ABCB5: variants seen among roughly 807,000 people sequenced by gnomAD.
ABCB5 encodes the protein ATP-binding cassette sub-family B member 5.
In ABCB5, 155 loss-of-function variants were observed where a neutral mutation model predicts 144.2. That is an observed-to-expected ratio of 1.08 (90% CI 0.94 to 1.23). ABCB5 has a LOEUF of 1.23. ABCB5 is among the 50% of genes most tolerant of loss of function. The pLI, the probability that ABCB5 is intolerant of heterozygous loss-of-function variation, is 0.00. For synonymous variants in ABCB5, 610 were observed against 528.6 expected (o/e 1.15, Z -2.11); for missense variants, 1,830 against 1,520.8 (o/e 1.20, Z -3.38).
At chr7:20,753,322 C>A in intron 26 of ABCB5, 38 bp from the exon 27 acceptor site, 1 of 1,571,698 alleles carries the variant, frequency 6.4e-7, no homozygotes, top group Non-Finnish European at 8.7e-7. Flanking sequence ...ATTTAAATAA[C>A]CAAGACTTGC....
intron 14 of ABCB5, among the ~76,000 whole-genome samples, chr7:20,669,154 C>T (rs1331723942): frequency 9.2e-4 from 138 of 149,630 alleles, no homozygotes; most frequent in African/African-American, 3.3e-3. Flanking sequence ...AGGTGAGGGG[C>T]GCTTCTGCCC....
In ABCB5 at chr7:20,756,730, T is replaced by A. The variant is rs1783097910; in HGVS notation, c.*1106T>A. ...AATAAAATAATTTCCTTAAATTTTA[T>A]ATATACTTTATCATATATAATGTGT... On this transcript the variant is annotated 3_prime_UTR_variant, in exon 28 of 28. Transcript: ENST00000404938. The A allele has an allele frequency of 6.6e-6, 1 of 152,228 alleles. No homozygotes were observed. Among genetic ancestry groups the A allele is most frequent in the Admixed American group, 6.5e-5 (1 of 15,282 alleles). 9.4% of individuals were successfully genotyped at this position (152,228 alleles called of 1,614,324 possible).
intron 26 of ABCB5, among the ~76,000 whole-genome samples, chr7:20,752,967 T>G (rs1330761562): frequency 1.3e-5 from 2 of 152,344 alleles, no homozygotes; most frequent in African/African-American, 2.4e-5. Flanking sequence ...GTGAAGAAAC[T>G]TCATAATTTC....
At chr7:20,702,801 A>G (rs1037798922) in intron 19 of ABCB5, among the ~76,000 whole-genome samples, 106 of 150,056 alleles carry the variant, frequency 7.1e-4, no homozygotes, top group Non-Finnish European at 2.1e-4. Flanking sequence ...AGCTGGGACT[A>G]CAGGCGCCCA....
intron 1 of ABCB5, among the ~76,000 whole-genome samples, chr7:20,623,039 A>G (rs1783833388): frequency 6.6e-6 from 1 of 152,116 alleles, no homozygotes; most frequent in Non-Finnish European, 1.5e-5. Context: ...TTAGCTCCAA[A>G]TCTAAGCCTA....
rs184395057 is a variant in ABCB5 at position 20,670,024 on chromosome 7, G to A, written c.1707+11348G>A. Among the ~76,000 whole-genome samples, 208 of 152,288 alleles carry A rather than the reference G, an allele frequency of 1.4e-3. 2 individuals are homozygous for A. The highest frequency in any genetic ancestry group is 0.01 in the Middle Eastern group (3 of 294). Reference sequence around the variant, plus strand: ...CTGTAAAAAGGAAGACAAATCAGACGAACTCAAATTGAGATATTCTACAAA... The same window carrying A: ...CTGTAAAAAGGAAGACAAATCAGACAAACTCAAATTGAGATATTCTACAAA... On this transcript the variant is annotated intron_variant, in intron 14 of 27. Coordinates refer to ENST00000404938, the MANE Select transcript of ABCB5 (RefSeq NM_001163941.2).
Position 20,742,807 on chromosome 7 carries a change from G to T in ABCB5, c.3025-70G>T, listed in dbSNP as rs146645881. On this transcript the variant is annotated intron_variant, in intron 24 of 27. Transcript: ENST00000404938. ...ATGCACAATTTTCAAAATGAACTTG[G>T]CCAGTATGCTACAGTGTGTTACAAC... is the stretch of plus-strand genomic sequence containing the variant. 700 of 1,464,986 alleles carry T rather than the reference G, an allele frequency of 4.8e-4. 3 individuals carry two copies. In the African/African-American group the frequency reaches 8.7e-3, roughly 18 times the overall value. The allele number at this position is 1,464,986 out of a possible 1,614,324, so 90.7% of individuals were successfully genotyped here. A position where few individuals can be genotyped will look rare whatever the true frequency, so the allele number is the denominator to read the frequency against.
chr7:20,624,785 A>G (rs927300211), intron 2 of ABCB5, among the ~76,000 whole-genome samples: 1 of 152,148 alleles, frequency 6.6e-6, no homozygotes, highest in Non-Finnish European at 1.5e-5. Flanking sequence ...AAAACCAGCA[A>G]CGGGCACGCT....
At chr7:20,649,241 C>T (rs866825630) in intron 11 of ABCB5, among the ~76,000 whole-genome samples, 3 of 152,124 alleles carry the variant, frequency 2.0e-5, no homozygotes, top group South Asian at 2.1e-4. Flanking sequence ...GAACTTTTCT[C>T]GGCTTGGCCC....
intron 5 of ABCB5, among the ~76,000 whole-genome samples, chr7:20,637,963 G>T (rs555083523): frequency 2.4e-4 from 37 of 152,134 alleles, no homozygotes; most frequent in Non-Finnish European, 4.9e-4. Flanking sequence ...AAAATTAATT[G>T]CCTGGGCTCT....
chr7:20,671,284 T>C (rs532973665), intron 14 of ABCB5, among the ~76,000 whole-genome samples: 139 of 152,374 alleles, frequency 9.1e-4, no homozygotes, highest in African/African-American at 2.9e-3. Context: ...GGCTGCTGAA[T>C]GTATTTGCTT....
chr7:20,699,863 T>C lies in ABCB5; in HGVS notation c.2193T>C (p.Asp731=). ...ATGATAAAACCACATTAAAGCATGA[T>C]GCAGAAATTTATTCCATGATATTCG... ...GNNDKTTLKH[D]AEIYSMIFVI... Residue 731 remains aspartate (D), a synonymous_variant, in exon 18 of 28, where the codon GAT becomes GAC. Coordinates refer to ENST00000404938, the MANE Select transcript of ABCB5 (RefSeq NM_001163941.2). 1.2e-6 allele frequency: 2 copies of C among 1,612,630 alleles called. No homozygotes were observed. Among genetic ancestry groups the C allele is most frequent in the Non-Finnish European group, 1.7e-6 (2 of 1,179,332 alleles).
chr7:20,712,069 C>A (rs1787093008), intron 20 of ABCB5, among the ~76,000 whole-genome samples: 1 of 140,522 alleles, frequency 7.1e-6, no homozygotes. Context: ...GAAACCCCAT[C>A]TCTACTAAAA....
At chr7:20,683,420 AT>A (rs1785889153) in intron 15 of ABCB5, among the ~76,000 whole-genome samples, 3 of 152,204 alleles carry the variant, frequency 2.0e-5, no homozygotes, top group Non-Finnish European at 4.4e-5. Flanking sequence ...ATGAGTTGGA[AT>A]AATAGGAAAT....
At chr7:20,660,904 A>G (rs73684678) in intron 14 of ABCB5, among the ~76,000 whole-genome samples, 16,241 of 152,160 alleles carry the variant, frequency 0.11, 1,045 homozygotes, top group South Asian at 0.18. Flanking sequence ...CCACTTATAC[A>G]AAGTTCTAGA....
chr7:20,720,053 C>G, intron 20 of ABCB5, among the ~76,000 whole-genome samples: 1 of 152,044 alleles, frequency 6.6e-6, no homozygotes, highest in Non-Finnish European at 1.5e-5. Flanking sequence ...AAATTCTCCA[C>G]TAAAAGAACC....
At chr7:20,660,465 C>T (rs11764054) in intron 14 of ABCB5, 71,952 of 917,274 alleles carry the variant, frequency 0.078, 3,359 homozygotes, top group South Asian at 0.19. Flanking sequence ...AAAAGTAGCA[C>T]AGTAAACTAG....
intron 24 of ABCB5, 83 bp downstream of exon 24, chr7:20,739,222 G>A (rs1782486648): frequency 7.9e-7 from 1 of 1,264,380 alleles, no homozygotes; most frequent in African/African-American, 3.7e-5. Context: ...GAGGGAGAGA[G>A]GGGCAAGGGC....
intron 14 of ABCB5, among the ~76,000 whole-genome samples, chr7:20,673,658 T>C (rs948371741): frequency 6.6e-6 from 1 of 151,988 alleles, no homozygotes; most frequent in Non-Finnish European, 1.5e-5. Flanking sequence ...TCTTTATATT[T>C]AAAATGTGTT....
Sources: gnomAD v4.1 joint callset for allele counts (sites outside exome capture counted in the v4.1 genomes callset) on GRCh38, gnomAD v4.1.1 for gene constraint, MANE v1.5 for transcripts, NCBI Gene and HGNC (gene_info 2026-07-23, HGNC 2026-07-21) for gene names.